Variants in ST3GAL1 observed in about 807,000 individuals in gnomAD.
The protein encoded by ST3GAL1 is CMP-N-acetylneuraminate-beta-galactosamide-alpha-2,3-sialyltransferase 1.
ST3GAL1 carries 16 observed loss-of-function variants against 34.1 expected under a neutral mutation model. The ratio of observed to expected loss-of-function variants is 0.47; its 90% CI spans 0.32 to 0.71. The LOEUF is 0.71. Ranked by LOEUF, ST3GAL1 falls within the 30% of genes least tolerant of loss-of-function variation. The probability of loss-of-function intolerance (pLI) is 0.04; values close to 1 mark genes in which losing one functional copy is unlikely to be tolerated. For missense variants in ST3GAL1, 353 were observed against 447.4 expected, an observed-to-expected ratio of 0.79 and a Z score of 1.90; for synonymous variants, 191 against 184.7, an observed-to-expected ratio of 1.03 and a Z score of -0.28.
At chr8:133,488,964 A>G (rs976807322) in intron 3 of ST3GAL1, among the ~76,000 whole-genome samples, 9 of 152,114 alleles carry the variant, frequency 5.9e-5, no homozygotes, top group Non-Finnish European at 1.0e-4. Context: ...GGAGAGAGGG[A>G]ACTGGGGACA....
intron 1 of ST3GAL1, among the ~76,000 whole-genome samples, chr8:133,565,351 C>T (rs1298743489): frequency 4.6e-5 from 7 of 152,114 alleles, no homozygotes; most frequent in Admixed American, 3.3e-4. Flanking sequence ...AGGGTTGATC[C>T]GCCTGGCTCC....
rs1343619645 is a variant in ST3GAL1 at position 133,459,316 on chromosome 8, C to G, written c.*448G>C. On this transcript the variant is annotated 3_prime_UTR_variant, in exon 10 of 10. Coordinates refer to ENST00000522652, the MANE Select transcript of ST3GAL1 (RefSeq NM_173344.3). The surrounding 1 kb of genome is among the most constrained non-coding windows in gnomAD (Gnocchi z 4.7). The stretch of plus-strand genomic sequence containing the variant: ...GGCTTCGTGCAAAGAAGGGCAGCAT[C>G]TCGCCCCGAGCGCCAACACCGCCTG... 1 of 154,282 alleles carries G rather than the reference C, an allele frequency of 6.5e-6. No homozygotes were observed. 9.6% of individuals were successfully genotyped at this position (154,282 alleles called of 1,614,324 possible).
At chr8:133,488,893 G>GC (rs1164110782) in intron 3 of ST3GAL1, among the ~76,000 whole-genome samples, 1 of 152,158 alleles carries the variant, frequency 6.6e-6, no homozygotes, top group East Asian at 1.9e-4. Flanking sequence ...AGGTCTGGTG[G>GC]CCCCCCTAAA....
At chr8:133,501,365 G>T (rs1468221591) in intron 2 of ST3GAL1, among the ~76,000 whole-genome samples, 1 of 152,198 alleles carries the variant, frequency 6.6e-6, no homozygotes. Flanking sequence ...GGGTCATTAG[G>T]TGCTCTCTTG....
chr8:133,538,504 G>T (rs1309104452), intron 2 of ST3GAL1, among the ~76,000 whole-genome samples: 1 of 152,192 alleles, frequency 6.6e-6, no homozygotes, highest in Non-Finnish European at 1.5e-5. Flanking sequence ...GACAGAGCGA[G>T]ACTCCATCTC....
intron 2 of ST3GAL1, among the ~76,000 whole-genome samples, chr8:133,520,813 C>T (rs1407492159): frequency 3.4e-5 from 5 of 146,532 alleles, no homozygotes; most frequent in Non-Finnish European, 6.0e-5. Context: ...ACTTTGTCGT[C>T]CAGGCTAAAG....
chr8:133,473,204 A>G (rs1816032378), intron 5 of ST3GAL1, among the ~76,000 whole-genome samples: 1 of 152,184 alleles, frequency 6.6e-6, no homozygotes, highest in Non-Finnish European at 1.5e-5. Context: ...CCAGCCTAAG[A>G]GTTTTAGAAA....
chr8:133,515,780 G>A (rs565155957), intron 2 of ST3GAL1: 7 of 152,322 alleles, frequency 4.6e-5, no homozygotes, highest in African/African-American at 1.7e-4. Flanking sequence ...TTTCAACTCA[G>A]TAGATTGTGA....
rs1476423793 is a variant in ST3GAL1, at chr8:133,457,596, T to C, written c.*2168A>G. ...GAAAAAAGAAAAGTCTTTAAAGTTT[T>C]GGAGGATTTTAAAGCTGAAACAGGT... is the stretch of plus-strand genomic sequence containing the variant. On this transcript the variant is annotated 3_prime_UTR_variant, in exon 10 of 10. Coordinates refer to ENST00000522652, the MANE Select transcript of ST3GAL1 (RefSeq NM_173344.3). 1 of 152,248 alleles carries C rather than the reference T, an allele frequency of 6.6e-6. No individual in the cohort carries two copies. The highest frequency in any genetic ancestry group is 1.5e-5 in the Non-Finnish European group (1 of 68,044). 9.4% of individuals were successfully genotyped at this position (152,248 alleles called of 1,614,324 possible). A position where few individuals can be genotyped will look rare whatever the true frequency, so the allele number is the denominator to read the frequency against.
rs552572866 is a variant in ST3GAL1, at chr8:133,532,243, G to A, written c.-429+13531C>T. Among the ~76,000 whole-genome samples, 13 of 152,170 alleles carry A rather than the reference G, an allele frequency of 8.5e-5. No individual in the cohort carries two copies. In the South Asian group the frequency reaches 1.0e-3, roughly 12 times the overall value. On this transcript the variant is annotated intron_variant, in intron 2 of 9. Coordinates refer to ENST00000522652, the MANE Select transcript of ST3GAL1 (RefSeq NM_173344.3). ...TCCCAGAATTCTGGGAGGCTGCGGC[G>A]GGTGGATCACCTGAGGTCAGGAGTT...
intron 2 of ST3GAL1, among the ~76,000 whole-genome samples, chr8:133,501,037 G>A (rs1243496300): frequency 6.6e-6 from 1 of 152,238 alleles, no homozygotes; most frequent in East Asian, 1.9e-4. Context: ...AGGCTTGGCT[G>A]TCCCCACGGC....
In ST3GAL1 at chr8:133,554,730, C is replaced by CTT. The variant is rs1263832188; in HGVS notation, c.-581-8806_-581-8805dup. The stretch of plus-strand genomic sequence containing the variant: ...GTTTTTTTATTTCTTTATTTCTTTT[C>CTT]TTTTTTTTTTTTTTTGAGTCGGAGT... On this transcript the variant is annotated intron_variant, in intron 1 of 9. Coordinates refer to ENST00000522652, the MANE Select transcript of ST3GAL1 (RefSeq NM_173344.3). Among the ~76,000 whole-genome samples the CTT allele has an allele frequency of 1.2e-3, 167 of 137,088 alleles. 1 individual carries two copies. The highest frequency in any genetic ancestry group is 2.9e-3 in the African/African-American group (106 of 36,666). 89.9% of individuals were successfully genotyped at this position (137,088 alleles called of 152,430 possible).
intron 2 of ST3GAL1, among the ~76,000 whole-genome samples, chr8:133,512,575 T>C (rs1482087434): frequency 3.3e-5 from 5 of 152,102 alleles, no homozygotes; most frequent in African/African-American, 1.2e-4. Context: ...GCATCACACA[T>C]ACCATCATCT....
chr8:133,557,616 A>G (rs1819090011), intron 1 of ST3GAL1, among the ~76,000 whole-genome samples: 1 of 152,168 alleles, frequency 6.6e-6, no homozygotes, highest in African/African-American at 2.4e-5. Context: ...TTGGGAGGCC[A>G]AGGCAGGCAG....
At chr8:133,509,013 G>C (rs1421854808) in intron 2 of ST3GAL1, among the ~76,000 whole-genome samples, 1 of 152,104 alleles carries the variant, frequency 6.6e-6, no homozygotes, top group Non-Finnish European at 1.5e-5. Flanking sequence ...CTTGCAAATA[G>C]GGAGACATCT....
At chr8:133,510,567 G>C (rs1017545470) in intron 2 of ST3GAL1, among the ~76,000 whole-genome samples, 1 of 151,858 alleles carries the variant, frequency 6.6e-6, no homozygotes, top group Non-Finnish European at 1.5e-5. Context: ...AAATGAGAGT[G>C]GATTGAAAAT....
In ST3GAL1 at chr8:133,541,022, CAT is replaced by C. The variant is rs1391716131; in HGVS notation, c.-429+4750_-429+4751del. On this transcript the variant is annotated intron_variant, in intron 2 of 9. Coordinates refer to ENST00000522652, the MANE Select transcript of ST3GAL1 (RefSeq NM_173344.3). Reference sequence around the variant, plus strand: ...ATATATATAGACATATATATGCAGACATATATATAGACATATATAGACATATA... The same window carrying C: ...ATATATATAGACATATATATGCAGACATATATAGACATATATAGACATATA... 2.0e-4 allele frequency among the ~76,000 whole-genome samples: 18 copies of C among 92,140 alleles called. No homozygotes were observed. The East Asian group carries it at 3.5e-3, about 18-fold the overall frequency. The allele number at this position is 92,140 out of a possible 152,430, so 60.4% of individuals were successfully genotyped here.
intron 2 of ST3GAL1, among the ~76,000 whole-genome samples, chr8:133,506,906 G>A (rs1033192925): frequency 1.3e-5 from 2 of 151,318 alleles, no homozygotes; most frequent in Non-Finnish European, 2.9e-5. Flanking sequence ...TGGCGAACAC[G>A]GTGAAACCCT....
At chr8:133,542,109 ACACC>A (rs60112150) in intron 2 of ST3GAL1, among the ~76,000 whole-genome samples, 31,954 of 149,780 alleles carry the variant, frequency 0.21, 3,596 homozygotes, top group South Asian at 0.4. Context: ...ACACACACAC[ACACC>A]CACGCACACA....
Sources: allele counts gnomAD v4.1 joint callset (sites outside exome capture counted in the v4.1 genomes callset), GRCh38; gene constraint gnomAD v4.1.1; non-coding constraint Gnocchi (gnomAD v3.1); transcripts MANE v1.5; gene names NCBI Gene and HGNC (gene_info 2026-07-23, HGNC 2026-07-21).